KSR2: variants seen among roughly 807,000 people sequenced by gnomAD.
The protein encoded by KSR2 is kinase suppressor of ras 2.
In KSR2, 25 loss-of-function variants were observed where a neutral mutation model predicts 107.8. The ratio of observed to expected loss-of-function variants is 0.23; its 90% CI spans 0.17 to 0.32. KSR2 has a LOEUF of 0.32. Among genes scored for constraint, KSR2 ranks in the 10% least tolerant of loss-of-function variants. KSR2 has a pLI of 1.00. For synonymous variants in KSR2, 480 were observed against 507.0 expected (o/e 0.95, Z 0.71); for missense variants, 887 against 1,268.9 (o/e 0.70, Z 4.57).
At position 117,467,008 on chromosome 12, in the gene KSR2, C is replaced by T. The variant is rs1469832532; in HGVS notation, c.*191G>A. 2.1e-6 allele frequency: 1 copy of T among 479,378 alleles called. No individual in the cohort carries two copies. The highest frequency in any genetic ancestry group is 3.9e-5 in the South Asian group (1 of 25,334). The allele number at this position is 479,378 out of a possible 1,614,324, so 29.7% of individuals were successfully genotyped here. A position where few individuals can be genotyped will look rare whatever the true frequency, so the allele number is the denominator to read the frequency against. On this transcript the variant is annotated 3_prime_UTR_variant, in exon 20 of 20. Coordinates refer to ENST00000339824, the MANE Select transcript of KSR2 (RefSeq NM_173598.6). The stretch of plus-strand genomic sequence containing the variant: ...CAGTCCTAGCTCGGGGGTCCCCAAC[C>T]CTGCCCGAGGAAAAGGGCTCAAGTC...
chr12:117,637,685 T>TTTTTG (rs1883175469), intron 5 of KSR2, among the ~76,000 whole-genome samples: 1 of 130,252 alleles, frequency 7.7e-6, no homozygotes, highest in Admixed American at 7.6e-5. Context: ...GTTTTTTTTT[T>TTTTTG]TTTTTTTTTT....
At chr12:117,661,864 T>C (rs1033924315) in intron 5 of KSR2, among the ~76,000 whole-genome samples, 2 of 152,224 alleles carry the variant, frequency 1.3e-5, no homozygotes, top group African/African-American at 4.8e-5. Context: ...TGGTTGCTTC[T>C]GGGAAGCAGG....
intron 5 of KSR2, among the ~76,000 whole-genome samples, chr12:117,613,347 A>G (rs1486610718): frequency 6.6e-6 from 1 of 152,238 alleles, no homozygotes; most frequent in Non-Finnish European, 1.5e-5. Flanking sequence ...TGGCCTCCCC[A>G]GAATTCCCCA....
chr12:117,805,232 C>T (rs571354546), intron 3 of KSR2, among the ~76,000 whole-genome samples: 2 of 152,326 alleles, frequency 1.3e-5, no homozygotes, highest in East Asian at 1.9e-4. Flanking sequence ...CTCCCACACA[C>T]ACCTTTTTAG....
At chr12:117,875,600 G>A (rs181091417) in intron 1 of KSR2, among the ~76,000 whole-genome samples, 16 of 152,164 alleles carry the variant, frequency 1.1e-4, no homozygotes, top group Admixed American at 7.9e-4. Flanking sequence ...AGGACTGCCC[G>A]TCAGCACCCC....
intron 13 of KSR2, among the ~76,000 whole-genome samples, chr12:117,525,690 T>C (rs1565883871): frequency 6.6e-6 from 1 of 152,314 alleles, no homozygotes; most frequent in East Asian, 1.9e-4. Flanking sequence ...TGTGATAAAG[T>C]TGACAGGCTA....
At chr12:117,798,404 A>G (rs4767624) in intron 3 of KSR2, among the ~76,000 whole-genome samples, 91,211 of 152,094 alleles carry the variant, frequency 0.6, 29,608 homozygotes, top group African/African-American at 0.85. Flanking sequence ...AGGCCAAGGC[A>G]GGCGGATCAC....
At chr12:117,692,495 T>C (rs368751255) in intron 4 of KSR2, among the ~76,000 whole-genome samples, 8 of 53,538 alleles carry the variant, frequency 1.5e-4, no homozygotes, top group South Asian at 6.5e-4. Flanking sequence ...TATATATATA[T>C]ATATATATAT....
At position 117,601,314 on chromosome 12, in the gene KSR2, T is replaced by C. The variant is rs974617977; in HGVS notation, c.1172-18955A>G. ...AGATCTTGGGGGGGGGGGTACCTAA[T>C]TACTAGATTAAATAGTGTCCTTCCC... On this transcript the variant is annotated intron_variant, in intron 5 of 19. Transcript: ENST00000339824. Among the ~76,000 whole-genome samples, 3 of 150,048 alleles carry C rather than the reference T, an allele frequency of 2.0e-5. 1 individual carries two copies. The highest frequency in any genetic ancestry group is 7.4e-5 in the African/African-American group (3 of 40,548).
chr12:117,903,964 A>G (rs535641596), intron 1 of KSR2, among the ~76,000 whole-genome samples: 4 of 152,178 alleles, frequency 2.6e-5, no homozygotes, highest in African/African-American at 4.8e-5. Context: ...ATGCCACTGT[A>G]CTCCAGCCTG....
chr12:117,559,701 G>A (rs982831723), intron 7 of KSR2, among the ~76,000 whole-genome samples: 1 of 152,164 alleles, frequency 6.6e-6, no homozygotes, highest in African/African-American at 2.4e-5. Flanking sequence ...TTTGAGAGGA[G>A]CCAAAGAGGA....
intron 1 of KSR2, among the ~76,000 whole-genome samples, chr12:117,871,529 A>G (rs1324610825): frequency 6.6e-6 from 1 of 152,068 alleles, no homozygotes; most frequent in African/African-American, 2.4e-5. Flanking sequence ...CGGAGGTTGC[A>G]GTAAACCAGG....
intron 4 of KSR2, among the ~76,000 whole-genome samples, chr12:117,710,633 G>A (rs1259734723): frequency 2.6e-5 from 4 of 152,054 alleles, no homozygotes; most frequent in Non-Finnish European, 4.4e-5. Flanking sequence ...TTAACCTTTG[G>A]GGACTCAGTT....
intron 4 of KSR2, among the ~76,000 whole-genome samples, chr12:117,669,541 G>A (rs888166091): frequency 6.0e-5 from 9 of 150,516 alleles, no homozygotes; most frequent in African/African-American, 2.2e-4. Context: ...TGCATCAAAT[G>A]TTGGGTTAAG....
intron 16 of KSR2, among the ~76,000 whole-genome samples, chr12:117,482,758 C>T (rs913577117): frequency 5.9e-5 from 9 of 152,184 alleles, no homozygotes; most frequent in South Asian, 4.1e-4. Context: ...GTCCTGCACC[C>T]CTTTCCTCCA....
intron 4 of KSR2, among the ~76,000 whole-genome samples, chr12:117,746,546 C>A (rs1888411772): frequency 6.6e-6 from 1 of 152,184 alleles, no homozygotes; most frequent in Non-Finnish European, 1.5e-5. Flanking sequence ...ACTAACACAT[C>A]AAATGCAATT....
chr12:117,948,560 C>T (rs1229112092), intron 1 of KSR2, among the ~76,000 whole-genome samples: 2 of 151,430 alleles, frequency 1.3e-5, no homozygotes, highest in Non-Finnish European at 2.9e-5. Flanking sequence ...GGAATACACA[C>T]ATAGATCAGT....
intron 4 of KSR2, among the ~76,000 whole-genome samples, chr12:117,731,216 G>GTACCCA (rs1280586795): frequency 6.6e-6 from 1 of 150,986 alleles, no homozygotes; most frequent in Non-Finnish European, 1.5e-5. Context: ...TCTGGGAGGT[G>GTACCCA]AGGAGTGTCT....
intron 1 of KSR2, among the ~76,000 whole-genome samples, chr12:117,862,361 T>A (rs1165184133): frequency 6.6e-6 from 1 of 152,200 alleles, no homozygotes; most frequent in Non-Finnish European, 1.5e-5. Flanking sequence ...AAAGTCTGAA[T>A]TCTAGGATCA....
Sources: allele counts gnomAD v4.1 joint callset (sites outside exome capture counted in the v4.1 genomes callset), GRCh38; gene constraint gnomAD v4.1.1; transcripts MANE v1.5; gene names NCBI Gene and HGNC (gene_info 2026-07-23, HGNC 2026-07-21).